Variants in BLTP3A observed in about 807,000 individuals in gnomAD.
BLTP3A encodes the protein ICBP90 binding protein 1.
the BLTP3A span, among the ~76,000 whole-genome samples, chr6:34,837,994 T>G: frequency 6.6e-6 from 1 of 152,234 alleles, no homozygotes; most frequent in Non-Finnish European, 1.5e-5. Flanking sequence ...TTTAGTACTA[T>G]TCTCTTCAAG....
the BLTP3A span, among the ~76,000 whole-genome samples, chr6:34,864,670 C>A: frequency 1.3e-5 from 2 of 151,786 alleles, no homozygotes; most frequent in African/African-American, 4.8e-5. Flanking sequence ...AGGAAATGAT[C>A]CTTTAAGAGT....
chr6:34,823,191 CTG>C, the BLTP3A span: 2 of 1,331,726 alleles, frequency 1.5e-6, no homozygotes, highest in South Asian at 2.4e-5. Context: ...ATGACACAGT[CTG>C]TGCTGTCATT....
the BLTP3A span, among the ~76,000 whole-genome samples, chr6:34,808,762 T>A: frequency 6.6e-6 from 1 of 152,238 alleles, no homozygotes; most frequent in South Asian, 2.1e-4. Context: ...TTATTTTTTG[T>A]AGAGACAGGG....
At chr6:34,815,951 T>G in the BLTP3A span, among the ~76,000 whole-genome samples, 2 of 152,208 alleles carry the variant, frequency 1.3e-5, no homozygotes, top group Non-Finnish European at 2.9e-5. Context: ...CGGCCTGCAT[T>G]TTAAAATAAG....
the BLTP3A span, chr6:34,857,651 A>G: frequency 1.6e-4 from 241 of 1,476,936 alleles, no homozygotes; most frequent in Non-Finnish European, 1.5e-5. Context: ...TTCGTAATAT[A>G]GTTAATATTA....
At chr6:34,835,009 C>T in the BLTP3A span, 1 of 1,115,648 alleles carries the variant, frequency 9.0e-7, no homozygotes, top group Non-Finnish European at 1.3e-6. Context: ...TGCTCAACAT[C>T]CTCTAGTAAT....
At chr6:34,816,543 G>T in the BLTP3A span, among the ~76,000 whole-genome samples, 2 of 152,146 alleles carry the variant, frequency 1.3e-5, no homozygotes, top group Non-Finnish European at 2.9e-5. Context: ...GCCCCAGGAG[G>T]TCGAGGCTGC....
At chr6:34,829,680 G>A in the BLTP3A span, among the ~76,000 whole-genome samples, 3 of 151,940 alleles carry the variant, frequency 2.0e-5, no homozygotes, top group Non-Finnish European at 4.4e-5. Flanking sequence ...TGTTGCCCAG[G>A]TTGGAGTGCA....
At chr6:34,858,363 C>T in the BLTP3A span, 3 of 1,614,144 alleles carry the variant, frequency 1.9e-6, no homozygotes, top group Admixed American at 3.3e-5. Context: ...TGCATCATGC[C>T]TTTCAGATGG....
At chr6:34,818,466 C>T in the BLTP3A span, among the ~76,000 whole-genome samples, 1 of 145,270 alleles carries the variant, frequency 6.9e-6, no homozygotes, top group Non-Finnish European at 1.5e-5. Context: ...GAGATCCTGT[C>T]TCAGAAAAAA....
At chr6:34,865,211 C>T in the BLTP3A span, among the ~76,000 whole-genome samples, 3 of 152,168 alleles carry the variant, frequency 2.0e-5, no homozygotes, top group Admixed American at 2.0e-4. Context: ...CCCTTTTCAG[C>T]CTCTGTTAAG....
the BLTP3A span, among the ~76,000 whole-genome samples, chr6:34,821,158 G>A: frequency 6.6e-6 from 1 of 152,010 alleles, no homozygotes; most frequent in African/African-American, 2.4e-5. Context: ...GTTTCTCCAT[G>A]TAGGTCAGGC....
At chr6:34,834,627 A>T in the BLTP3A span, 325 of 1,490,750 alleles carry the variant, frequency 2.2e-4, 1 homozygote, top group Non-Finnish European at 2.7e-4. Context: ...GAGTGCTGGG[A>T]GTCTCTGCCT....
At chr6:34,824,802 C>G in the BLTP3A span, among the ~76,000 whole-genome samples, 2 of 151,718 alleles carry the variant, frequency 1.3e-5, no homozygotes, top group Non-Finnish European at 2.9e-5. Context: ...TCCTGAGTAG[C>G]TGGAATTACA....
At chr6:34,870,791 A>G in the BLTP3A span, 1 of 1,566,126 alleles carries the variant, frequency 6.4e-7, no homozygotes, top group Non-Finnish European at 8.7e-7. Context: ...ATATTGGTAT[A>G]TAAGGTGCCT....
At chr6:34,796,565 T>A in the BLTP3A span, among the ~76,000 whole-genome samples, 22 of 152,234 alleles carry the variant, frequency 1.4e-4, no homozygotes, top group Non-Finnish European at 8.8e-5. Flanking sequence ...CAAAATTGAT[T>A]TTTCACTAAA....
the BLTP3A span, among the ~76,000 whole-genome samples, chr6:34,844,274 ACC>A: frequency 2.0e-5 from 3 of 146,654 alleles, no homozygotes; most frequent in African/African-American, 7.6e-5. Context: ...GAGCCACCAA[ACC>A]TGGCCTGGTT....
At chr6:34,864,354 G>A in the BLTP3A span, among the ~76,000 whole-genome samples, 269 of 152,232 alleles carry the variant, frequency 1.8e-3, 1 homozygote, top group African/African-American at 6.1e-3. Flanking sequence ...AAATTTTGGT[G>A]GACTTGTGGG....
At chr6:34,804,147 G>C in the BLTP3A span, among the ~76,000 whole-genome samples, 37 of 152,076 alleles carry the variant, frequency 2.4e-4, no homozygotes, top group African/African-American at 7.7e-4. Context: ...GAGCTTCCTA[G>C]CGTCTTTAAG....
Sources: allele counts gnomAD v4.1 joint callset (sites outside exome capture counted in the v4.1 genomes callset), GRCh38; gene constraint gnomAD v4.1.1; transcripts MANE v1.5; gene names NCBI Gene and HGNC (gene_info 2026-07-23, HGNC 2026-07-21).